KCNT2: variants seen among roughly 807,000 people sequenced by gnomAD.
KCNT2 encodes potassium sodium-activated channel subfamily T member 2.
KCNT2 carries 67 observed loss-of-function variants against 153.8 expected under a neutral mutation model. That is an observed-to-expected ratio of 0.44 (90% confidence interval 0.36 to 0.53). The LOEUF is 0.53. Ranked by LOEUF, KCNT2 falls within the 20% of genes least tolerant of loss-of-function variation. The pLI is 0.00. For synonymous variants in KCNT2, 500 were observed against 458.8 expected (o/e 1.09, Z -1.15); for missense variants, 975 against 1,354.8 (o/e 0.72, Z 4.40).
At chr1:196,239,665 G>T (rs927353172) in intron 26 of KCNT2, among the ~76,000 whole-genome samples, 1 of 151,938 alleles carries the variant, frequency 6.6e-6, no homozygotes, top group African/African-American at 2.4e-5. Flanking sequence ...GAGGATAATA[G>T]AATTTTGTAA....
intron 13 of KCNT2, among the ~76,000 whole-genome samples, chr1:196,377,412 A>G (rs1448806516): frequency 6.6e-6 from 1 of 151,928 alleles, no homozygotes; most frequent in African/African-American, 2.4e-5. Flanking sequence ...AATAGAAGAG[A>G]CAGTCACAAA....
chr1:196,409,064 C>T (rs1372288008), intron 12 of KCNT2, among the ~76,000 whole-genome samples: 1 of 147,636 alleles, frequency 6.8e-6, no homozygotes. Context: ...CACACACACA[C>T]ATTTAGGAGT....
chr1:196,260,893 G>T (rs567811283), intron 25 of KCNT2, among the ~76,000 whole-genome samples: 28 of 151,726 alleles, frequency 1.8e-4, no homozygotes, highest in African/African-American at 6.8e-4. Context: ...AATATATAAA[G>T]AAAACATCTG....
intron 25 of KCNT2, among the ~76,000 whole-genome samples, chr1:196,278,557 T>C (rs1476472551): frequency 2.0e-5 from 3 of 152,208 alleles, no homozygotes; most frequent in African/African-American, 7.2e-5. Context: ...CTAAATGTAG[T>C]TAAATACTCC....
chr1:196,331,370 T>C (rs1435541325), intron 17 of KCNT2, 109 bp from the exon 18 acceptor site: 2 of 699,106 alleles, frequency 2.9e-6, no homozygotes, highest in East Asian at 5.2e-5. Context: ...TACCTCTGTG[T>C]TGCAATTATA....
At chr1:196,524,424 A>G (rs922700492) in intron 1 of KCNT2, among the ~76,000 whole-genome samples, 4 of 152,186 alleles carry the variant, frequency 2.6e-5, no homozygotes, top group Non-Finnish European at 4.4e-5. Flanking sequence ...AAATGAGACA[A>G]TGGATGTCCA....
At chr1:196,398,049 CT>C (rs1280447571) in intron 13 of KCNT2, among the ~76,000 whole-genome samples, 1 of 151,276 alleles carries the variant, frequency 6.6e-6, no homozygotes, top group Non-Finnish European at 1.5e-5. Flanking sequence ...AAAGCAGTAC[CT>C]TCAAAAAAGT....
chr1:196,299,643 T>A (rs1258648412), intron 22 of KCNT2, among the ~76,000 whole-genome samples: 1 of 152,146 alleles, frequency 6.6e-6, no homozygotes, highest in African/African-American at 2.4e-5. Context: ...CGCTTATAAC[T>A]GTTGGTTATA....
At chr1:196,534,155 G>A (rs542409382) in intron 1 of KCNT2, among the ~76,000 whole-genome samples, 15 of 151,862 alleles carry the variant, frequency 9.9e-5, no homozygotes, top group African/African-American at 2.2e-4. Context: ...GCACTACCTC[G>A]GAAACCACAT....
intron 1 of KCNT2, among the ~76,000 whole-genome samples, chr1:196,562,074 C>T (rs548884957): frequency 2.0e-5 from 3 of 151,770 alleles, no homozygotes; most frequent in Non-Finnish European, 1.5e-5. Flanking sequence ...GAAAAAGGTG[C>T]CAGGCCCTTA....
At chr1:196,237,925 G>T (rs1467831793) in intron 26 of KCNT2, among the ~76,000 whole-genome samples, 2 of 151,772 alleles carry the variant, frequency 1.3e-5, no homozygotes, top group Non-Finnish European at 2.9e-5. Context: ...AAGAAATTTT[G>T]ATTCATATGT....
At chr1:196,285,362 A>C (rs1429441471) in intron 23 of KCNT2, among the ~76,000 whole-genome samples, 2 of 152,130 alleles carry the variant, frequency 1.3e-5, no homozygotes, top group African/African-American at 4.8e-5. Flanking sequence ...ATATGCTTGG[A>C]GTAACATGCA....
At chr1:196,534,234 AT>A (rs1254976765) in intron 1 of KCNT2, among the ~76,000 whole-genome samples, 2 of 152,088 alleles carry the variant, frequency 1.3e-5, no homozygotes, top group African/African-American at 4.8e-5. Flanking sequence ...AAAAATAACT[AT>A]TTTCAGTATA....
intron 13 of KCNT2, among the ~76,000 whole-genome samples, chr1:196,387,025 C>T (rs1670051832): frequency 1.3e-5 from 2 of 151,964 alleles, no homozygotes. Context: ...AGGTGAATAA[C>T]AATCTCACTG....
At chr1:196,393,797 G>T (rs1180449683) in intron 13 of KCNT2, among the ~76,000 whole-genome samples, 2 of 151,484 alleles carry the variant, frequency 1.3e-5, no homozygotes, top group Non-Finnish European at 3.0e-5. Flanking sequence ...GAAGCATAAG[G>T]TTTCCCCAGG....
chr1:196,407,078 C>A (rs1671889265), intron 12 of KCNT2, among the ~76,000 whole-genome samples: 1 of 151,364 alleles, frequency 6.6e-6, no homozygotes, highest in Admixed American at 6.6e-5. Flanking sequence ...TCATCCAGAA[C>A]GGTACACTCC....
Position 196,235,968 on chromosome 1 carries a change from G to T in KCNT2, c.3296+18C>A, listed in dbSNP as rs770424892. ...TTCTAAAAATATCTGTCTTATATGA[G>T]ATATGAGATCAACTTACACAACATC... On this transcript the variant is annotated intron_variant, in intron 27 of 27. Coordinates refer to ENST00000294725, the MANE Select transcript of KCNT2 (RefSeq NM_198503.5). 2.2e-5 allele frequency: 32 copies of T among 1,444,364 alleles called. No individual in the cohort carries two copies. Among genetic ancestry groups the T allele is most frequent in the Non-Finnish European group, 3.1e-5 (32 of 1,028,870 alleles). 89.5% of individuals were successfully genotyped at this position (1,444,364 alleles called of 1,614,324 possible). A position where few individuals can be genotyped will look rare whatever the true frequency, so the allele number is the denominator to read the frequency against.
intron 18 of KCNT2, 128 bp downstream of exon 18, chr1:196,331,028 T>C: frequency 1.6e-6 from 1 of 611,486 alleles, no homozygotes; most frequent in Admixed American, 2.7e-5. Context: ...AAATTTACAT[T>C]GGAAAAGATA....
chr1:196,573,148 A>G (rs1183238022), intron 1 of KCNT2, among the ~76,000 whole-genome samples: 1 of 152,050 alleles, frequency 6.6e-6, no homozygotes, highest in Non-Finnish European at 1.5e-5. Context: ...TTAACTTCAA[A>G]GAATGGTCTT....
Sources: gnomAD v4.1 joint callset for allele counts (sites outside exome capture counted in the v4.1 genomes callset) on GRCh38, gnomAD v4.1.1 for gene constraint, MANE v1.5 for transcripts, NCBI Gene and HGNC (gene_info 2026-07-23, HGNC 2026-07-21) for gene names.